Variants in TENM2 observed in about 807,000 individuals in gnomAD.
TENM2 encodes teneurin-2.
A neutral mutation model predicts 245.2 loss-of-function variants in TENM2; 52 were observed. The ratio of observed to expected loss-of-function variants is 0.21; its 90% CI spans 0.17 to 0.27. TENM2 has a LOEUF of 0.27. Among genes scored for constraint, TENM2 ranks in the 10% least tolerant of loss-of-function variants. The pLI is 1.00. For missense variants in TENM2, 3,046 were observed against 3,666.8 expected, an observed-to-expected ratio of 0.83 and a Z score of 4.37; for synonymous variants, 1,363 against 1,438.9, an observed-to-expected ratio of 0.95 and a Z score of 1.19.
At chr5:166,997,070 T>C in the TENM2 span, among the ~76,000 whole-genome samples, 21 of 152,188 alleles carry the variant, frequency 1.4e-4, no homozygotes, top group Non-Finnish European at 2.2e-4. Flanking sequence ...GATTCACTTA[T>C]AGACACTCAA....
chr5:167,676,171 A>G (rs1561661976), intron 2 of TENM2, among the ~76,000 whole-genome samples: 1 of 152,106 alleles, frequency 6.6e-6, no homozygotes, highest in Non-Finnish European at 1.5e-5. Flanking sequence ...TTTTAGAGGC[A>G]GGTCCATGCT....
the TENM2 span, among the ~76,000 whole-genome samples, chr5:167,123,383 G>C: frequency 6.6e-6 from 1 of 152,074 alleles, no homozygotes; most frequent in African/African-American, 2.4e-5. Flanking sequence ...GATAACATTT[G>C]TCTTTCATTT....
intron 2 of TENM2, among the ~76,000 whole-genome samples, chr5:167,764,135 G>GA (rs777598651): frequency 7.3e-5 from 11 of 150,706 alleles, no homozygotes; most frequent in South Asian, 2.1e-4. Context: ...GTGACAAAGA[G>GA]AAAAAAAAAT....
chr5:167,285,194 C>T, intron 1 of TENM2, 131 bp downstream of exon 3: 1 of 659,832 alleles, frequency 1.5e-6, no homozygotes, highest in South Asian at 1.9e-5. Context: ...CCCTTGGTTC[C>T]ATAAAGGACA....
At chr5:167,264,417 A>G in the TENM2 span, among the ~76,000 whole-genome samples, 1 of 152,168 alleles carries the variant, frequency 6.6e-6, no homozygotes, top group South Asian at 2.1e-4. Context: ...GGCATACGTG[A>G]AATAATTTAG....
intron 2 of TENM2, among the ~76,000 whole-genome samples, chr5:167,637,152 T>G (rs898339530): frequency 6.6e-6 from 1 of 152,222 alleles, no homozygotes; most frequent in African/African-American, 2.4e-5. Flanking sequence ...GAACAGCACT[T>G]GACACTAAGA....
the TENM2 span, among the ~76,000 whole-genome samples, chr5:167,237,903 C>T: frequency 1.3e-5 from 2 of 149,594 alleles, no homozygotes; most frequent in African/African-American, 5.0e-5. Flanking sequence ...CCCAGCTACT[C>T]AGGAGGCTGA....
chr5:167,204,328 T>G, the TENM2 span, among the ~76,000 whole-genome samples: 1 of 152,070 alleles, frequency 6.6e-6, no homozygotes, highest in East Asian at 1.9e-4. Context: ...ATTGAGGCAA[T>G]AGCATCCAAG....
At chr5:168,223,616 G>A (rs776615069) in intron 23 of TENM2, among the ~76,000 whole-genome samples, 3 of 151,796 alleles carry the variant, frequency 2.0e-5, no homozygotes, top group Non-Finnish European at 4.4e-5. Flanking sequence ...ACAGGCACAC[G>A]GCACTGCGCC....
At chr5:167,928,718 A>AC (rs1317885170) in intron 3 of TENM2, among the ~76,000 whole-genome samples, 2 of 151,338 alleles carry the variant, frequency 1.3e-5, no homozygotes, top group East Asian at 3.9e-4. Flanking sequence ...ACGTGGTGAA[A>AC]CCCCATCTCT....
At chr5:167,555,595 G>A (rs766988799) in intron 2 of TENM2, among the ~76,000 whole-genome samples, 14 of 152,162 alleles carry the variant, frequency 9.2e-5, no homozygotes, top group South Asian at 2.1e-4. Flanking sequence ...TATGGAAGTC[G>A]CTAGCTTGTG....
intron 2 of TENM2, among the ~76,000 whole-genome samples, chr5:167,628,715 A>G: frequency 6.6e-6 from 1 of 152,212 alleles, no homozygotes; most frequent in East Asian, 1.9e-4. Flanking sequence ...ATACTTTTGG[A>G]CAAATAACCT....
chr5:167,016,865 G>T, the TENM2 span, among the ~76,000 whole-genome samples: 1 of 152,188 alleles, frequency 6.6e-6, no homozygotes, highest in East Asian at 1.9e-4. Context: ...GTGGTAGAAA[G>T]GGAGAAACTG....
At chr5:167,890,657 A>T (rs1561901709) in intron 3 of TENM2, among the ~76,000 whole-genome samples, 1 of 152,198 alleles carries the variant, frequency 6.6e-6, no homozygotes, top group Non-Finnish European at 1.5e-5. Context: ...AAATCACTAG[A>T]GTCCAGTAGA....
chr5:167,263,987 C>G, the TENM2 span, among the ~76,000 whole-genome samples: 1 of 151,756 alleles, frequency 6.6e-6, no homozygotes, highest in African/African-American at 2.4e-5. Context: ...CGCCTGTAAT[C>G]CCAGCTACTT....
intron 13 of TENM2, 69 bp downstream of exon 15, chr5:168,162,826 T>C: frequency 6.4e-7 from 1 of 1,558,092 alleles, no homozygotes; most frequent in Non-Finnish European, 8.8e-7. Flanking sequence ...TCATAAGTCA[T>C]TTTTCTTCGG....
At chr5:167,984,317 C>T (rs931268596) in intron 4 of TENM2, among the ~76,000 whole-genome samples, 1 of 152,176 alleles carries the variant, frequency 6.6e-6, no homozygotes, top group Non-Finnish European at 1.5e-5. Context: ...CAGATGTTTA[C>T]CAGTCTATCT....
At chr5:167,358,873 C>A (rs1405303428) in intron 1 of TENM2, among the ~76,000 whole-genome samples, 1 of 150,328 alleles carries the variant, frequency 6.7e-6, no homozygotes. Context: ...TTACAGCCTA[C>A]CCCATCTCAA....
intron 2 of TENM2, among the ~76,000 whole-genome samples, chr5:167,671,484 G>A (rs1326052441): frequency 6.6e-6 from 1 of 152,030 alleles, no homozygotes; most frequent in Non-Finnish European, 1.5e-5. Context: ...AAGACTCATC[G>A]ACAGCTTGAG....
Sources: allele counts gnomAD v4.1 joint callset (sites outside exome capture counted in the v4.1 genomes callset), GRCh38; gene constraint gnomAD v4.1.1; transcripts MANE v1.5; gene names NCBI Gene and HGNC (gene_info 2026-07-23, HGNC 2026-07-21).